The following ZNF43 variants were observed in gnomAD, a reference collection of about 807,000 sequenced individuals.
ZNF43 encodes zinc finger protein 43, also known as zinc finger protein 39-like 1 (KOX 27).
Under a neutral mutation model 68.4 loss-of-function variants are expected in ZNF43, and 44 were observed. That is an observed-to-expected ratio of 0.64 (90% confidence interval 0.51 to 0.83). The LOEUF is 0.83. Ranked by LOEUF, ZNF43 falls within the 40% of genes least tolerant of loss-of-function variation. ZNF43 has a pLI of 0.00. For missense variants in ZNF43, 896 were observed against 933.2 expected (o/e 0.96, Z 0.52); for synonymous variants, 308 against 307.8 (o/e 1.00, Z -0.01).
In ZNF43 at chr19:21,808,297, G is replaced by C; in HGVS notation, c.1740C>G (p.Asn580Lys). The change falls in exon 4 of 4, where the codon AAC becomes AAG. Residue 580 changes from asparagine to lysine, a missense_variant. Asn to Lys is a moderately conservative substitution (Grantham distance 94). Coordinates refer to ENST00000354959, the MANE Select transcript of ZNF43 (RefSeq NM_003423.4). Reference protein sequence around the residue: ...ECGKAFTQSSNLTTHKKIHTG... With the variant: ...ECGKAFTQSSKLTTHKKIHTG... ...TATGAATTTTCTTATGTGTAGTAAG[G>C]TTTGAGGATTGGGTAAAAGCTTTGC... 1 of 1,613,192 alleles carries C rather than the reference G, an allele frequency of 6.2e-7. No individual in the cohort carries two copies. The highest frequency in any genetic ancestry group is 8.5e-7 in the Non-Finnish European group (1 of 1,179,790).
At chr19:21,844,921 A>AAAAAAAAAATATATATAT (rs1310761266) in intron 1 of ZNF43, among the ~76,000 whole-genome samples, 1 of 26,050 alleles carries the variant, frequency 3.8e-5, no homozygotes, top group African/African-American at 2.2e-4. Flanking sequence ...AAAAAAAAAA[A>AAAAAAAAAATATATATAT]ATATATATAT....
intron 1 of ZNF43, among the ~76,000 whole-genome samples, chr19:21,844,128 C>T (rs1010980008): frequency 1.3e-5 from 2 of 151,964 alleles, no homozygotes; most frequent in South Asian, 2.1e-4. Flanking sequence ...CGGCCCTAGG[C>T]CCAGACTGGG....
chr19:21,816,060 CAA>C (rs60910156), intron 3 of ZNF43, among the ~76,000 whole-genome samples: 9 of 107,906 alleles, frequency 8.3e-5, no homozygotes, highest in Admixed American at 2.0e-4. Flanking sequence ...GACTCTGACG[CAA>C]AAAAAAAAAA....
At chr19:21,830,118 G>A (rs995234422) in intron 1 of ZNF43, among the ~76,000 whole-genome samples, 2 of 151,972 alleles carry the variant, frequency 1.3e-5, no homozygotes, top group African/African-American at 2.4e-5. Context: ...ATGTGTATTG[G>A]TGGGCACCTG....
At chr19:21,837,192 G>A (rs998286652), upstream of ZNF43, among the ~76,000 whole-genome samples, 2 of 151,970 alleles carry the variant, frequency 1.3e-5, 1 homozygote, top group Non-Finnish European at 2.9e-5. Flanking sequence ...AATCTCTAAT[G>A]TGTTCCCATG....
chr19:21,818,785 G>T (rs969120755), intron 2 of ZNF43, among the ~76,000 whole-genome samples: 1 of 151,966 alleles, frequency 6.6e-6, no homozygotes, highest in Admixed American at 6.6e-5. Flanking sequence ...TCACTACCTG[G>T]TAATACTGAA....
Position 21,827,013 on chromosome 19 carries a change from AAAG to A in ZNF43, c.4-7795_4-7793del, listed in dbSNP as rs527237033. 7.5e-3 allele frequency: 1,140 copies of A among 152,646 alleles called. 7 individuals carry two copies. The highest frequency in any genetic ancestry group is 7.4e-3 in the Non-Finnish European group (502 of 68,026). The allele number at this position is 152,646 out of a possible 1,614,324, so 9.5% of individuals were successfully genotyped here. On this transcript the variant is annotated intron_variant, in intron 1 of 3. Coordinates refer to ENST00000354959, the MANE Select transcript of ZNF43 (RefSeq NM_003423.4). ...AGTAACACTGTATTGAGAAAAAAAA[AAAG>A]AAGTTCAAAGCATCTTAAGAAAAAA...
chr19:21,809,497 G>A lies in ZNF43; in HGVS notation c.540C>T (p.Gly180=). 6.2e-7 allele frequency: 1 copy of A among 1,613,618 alleles called. No individual in the cohort carries two copies. Among genetic ancestry groups the A allele is most frequent in the African/African-American group, 1.3e-5 (1 of 75,004 alleles). Residue 180 remains glycine (G), a synonymous_variant, in exon 4 of 4, where the codon GGC becomes GGT. Transcript: ENST00000354959. ...GATGTGGAAGCATGCAAAATGATTT[G>A]CCACATTCTTTGCATTTGAAAAGTT... The part of the protein sequence containing the change: ...EKKLFKCKEC[G]KSFCMLPHLA...
intron 1 of ZNF43, among the ~76,000 whole-genome samples, chr19:21,830,959 A>G (rs2038397299): frequency 6.6e-6 from 1 of 152,234 alleles, no homozygotes; most frequent in African/African-American, 2.4e-5. Flanking sequence ...TACACAAATC[A>G]ATAAATGTGA....
exon 1 of ZNF43, chr19:21,852,026 A>G: frequency 7.1e-7 from 1 of 1,418,332 alleles, no homozygotes; most frequent in East Asian, 2.6e-5. Context: ...GAACGCGGAA[A>G]AGCAGAGGCG....
chr19:21,838,874 A>C (rs2145372452), upstream of ZNF43: 1 of 152,204 alleles, frequency 6.6e-6, no homozygotes, highest in South Asian at 2.1e-4. Flanking sequence ...TCTTAGTCAC[A>C]GGATGAGATA....
intron 3 of ZNF43, 81 bp from the exon 4 acceptor site, chr19:21,809,888 C>G: frequency 7.6e-7 from 1 of 1,323,760 alleles, no homozygotes; most frequent in Non-Finnish European, 1.0e-6. Flanking sequence ...TAAAATCACA[C>G]AAGCTACATA....
intron 3 of ZNF43, 144 bp from the exon 4 acceptor site, chr19:21,809,951 A>G: frequency 1.2e-6 from 1 of 810,782 alleles, no homozygotes; most frequent in South Asian, 2.6e-5. Flanking sequence ...ATAGACATAT[A>G]AATGTAACAA....
chr19:21,850,160 G>C (rs1405247929), intron 1 of ZNF43, among the ~76,000 whole-genome samples: 5 of 152,182 alleles, frequency 3.3e-5, no homozygotes, highest in Non-Finnish European at 7.3e-5. Context: ...CATTACCTGA[G>C]TCTAGTGATA....
At chr19:21,848,607 T>C (rs548444135) in intron 1 of ZNF43, among the ~76,000 whole-genome samples, 1 of 152,252 alleles carries the variant, frequency 6.6e-6, no homozygotes, top group South Asian at 2.1e-4. Flanking sequence ...ATCACCTAGG[T>C]GCTGGGACCA....
rs753690268 is a variant in ZNF43, at chr19:21,806,871, G to A, written c.*736C>T. 1.8e-4 allele frequency: 27 copies of A among 151,884 alleles called. No individual in the cohort carries two copies. Among genetic ancestry groups the A allele is most frequent in the Admixed American group, 5.9e-4 (9 of 15,258 alleles). The allele number at this position is 151,884 out of a possible 1,614,324, so 9.4% of individuals were successfully genotyped here. On this transcript the variant is annotated 3_prime_UTR_variant, in exon 4 of 4. Transcript: ENST00000354959. ...CAGATATTTACATAAACTTAATTTC[G>A]GATTAAATTTTTTTCATTTTTACTG...
chr19:21,845,085 GC>G (rs1434283058), intron 1 of ZNF43, among the ~76,000 whole-genome samples: 1 of 150,638 alleles, frequency 6.6e-6, no homozygotes, highest in Non-Finnish European at 1.5e-5. Context: ...AGGTGCTTGG[GC>G]AGGGATGCCT....
intron 1 of ZNF43, among the ~76,000 whole-genome samples, chr19:21,822,371 CTTAA>C (rs4025964): frequency 0.051 from 7,479 of 147,870 alleles, 375 homozygotes; most frequent in African/African-American, 0.14. Context: ...ACATGAGGCA[CTTAA>C]TTAAAACAAC....
Position 21,808,927 on chromosome 19 carries a change from A to G in ZNF43, c.1110T>C (p.Tyr370=). 1 of 1,607,670 alleles carries G rather than the reference A, an allele frequency of 6.2e-7. No homozygotes were observed. The highest frequency in any genetic ancestry group is 8.5e-7 in the Non-Finnish European group (1 of 1,178,362). ...HKRIHTAEKF[Y]KCTECGEAFS... ...AAGCTTCACCACATTCTGTACATTT[A>G]TAGAATTTCTCTGCAGTATGGATTC... The change falls in exon 4 of 4, where the codon TAT becomes TAC. Residue 370 remains tyrosine, a synonymous_variant. Coordinates refer to ENST00000354959, the MANE Select transcript of ZNF43 (RefSeq NM_003423.4).
Sources: gnomAD v4.1 joint callset for allele counts (sites outside exome capture counted in the v4.1 genomes callset) on GRCh38, gnomAD v4.1.1 for gene constraint, MANE v1.5 for transcripts, NCBI Gene and HGNC (gene_info 2026-07-23, HGNC 2026-07-21) for gene names.